The following ATXN7L1 variants were observed in gnomAD, a reference collection of about 807,000 sequenced individuals.
ATXN7L1 encodes the protein ataxin-7-like protein 1.
ATXN7L1 carries 15 observed loss-of-function variants against 70.8 expected under a neutral mutation model. The observed-to-expected ratio is 0.21, with a 90% confidence interval of 0.14 to 0.33. The LOEUF is 0.33. Among genes scored for constraint, ATXN7L1 ranks in the 10% least tolerant of loss-of-function variants. The probability of loss-of-function intolerance (pLI) is 1.00; values close to 1 mark genes in which losing one functional copy is unlikely to be tolerated. For synonymous variants in ATXN7L1, 440 were observed against 445.1 expected (o/e 0.99, Z 0.14); for missense variants, 975 against 1,097.1 (o/e 0.89, Z 1.57).
intron 2 of ATXN7L1, among the ~76,000 whole-genome samples, chr7:105,842,964 G>A (rs529564513): frequency 6.6e-6 from 1 of 152,272 alleles, no homozygotes; most frequent in Non-Finnish European, 1.5e-5. Flanking sequence ...GACTAATGAT[G>A]TTGAGCATCT....
chr7:105,645,577 A>G (rs1290607593), intron 4 of ATXN7L1, among the ~76,000 whole-genome samples: 1 of 150,206 alleles, frequency 6.7e-6, no homozygotes. Flanking sequence ...CAGGTGGATC[A>G]CCAGGTCAGG....
At chr7:105,618,997 G>A (rs1305163159) in intron 9 of ATXN7L1, among the ~76,000 whole-genome samples, 3 of 152,082 alleles carry the variant, frequency 2.0e-5, no homozygotes. Context: ...GAGTCCTAAG[G>A]AGGCGGGAAG....
chr7:105,620,142 G>A (rs1367340593), intron 9 of ATXN7L1, 58 bp downstream of exon 9: 3 of 1,538,266 alleles, frequency 2.0e-6, no homozygotes, highest in East Asian at 2.5e-5. Context: ...AGAAAGTTAA[G>A]TTTCAGGTAA....
chr7:105,710,450 C>G (rs1290114470), intron 3 of ATXN7L1, among the ~76,000 whole-genome samples: 1 of 136,844 alleles, frequency 7.3e-6, no homozygotes, highest in Non-Finnish European at 1.5e-5. Flanking sequence ...CTCTGTCACT[C>G]AGGCTGCAGT....
chr7:105,669,525 A>G (rs1309313601), intron 3 of ATXN7L1, among the ~76,000 whole-genome samples: 2 of 152,198 alleles, frequency 1.3e-5, no homozygotes, highest in Non-Finnish European at 2.9e-5. Flanking sequence ...AGGCGAAAGC[A>G]GTATGTCCTA....
chr7:105,701,099 T>C (rs1792401100), intron 3 of ATXN7L1, among the ~76,000 whole-genome samples: 1 of 152,118 alleles, frequency 6.6e-6, no homozygotes, highest in Non-Finnish European at 1.5e-5. Flanking sequence ...GTGTGTCAAG[T>C]TTGTGTGTGT....
In ATXN7L1 at chr7:105,638,483, T is replaced by C; in HGVS notation, c.1072A>G (p.Thr358Ala). Residue 358 changes from threonine to alanine, a missense_variant, in exon 7 of 12, where the codon ACG (threonine) becomes GCG (alanine). By Grantham distance (58) the Thr-to-Ala change is moderately conservative. Coordinates refer to ENST00000419735, the MANE Select transcript of ATXN7L1 (RefSeq NM_020725.2). ...VKDKEHLLTS[T>A]REILPSQSGP... ...GATTGGCTTGGAAGTATTTCCCTCG[T>C]GGAAGTCAGGAGATGCTCTTTATCT... The C allele has an allele frequency of 6.4e-7, 1 of 1,552,364 alleles. No individual in the cohort carries two copies. Among genetic ancestry groups the C allele is most frequent in the Non-Finnish European group, 8.7e-7 (1 of 1,147,144 alleles).
chr7:105,867,655 A>G (rs1423981950), intron 2 of ATXN7L1, among the ~76,000 whole-genome samples: 1 of 152,232 alleles, frequency 6.6e-6, no homozygotes, highest in Non-Finnish European at 1.5e-5. Flanking sequence ...GTACAGGTAT[A>G]TCTGCTGAGT....
At chr7:105,678,075 A>T in intron 3 of ATXN7L1, 1 of 813,364 alleles carries the variant, frequency 1.2e-6, no homozygotes, top group Non-Finnish European at 1.5e-6. Flanking sequence ...CTGTCAACAT[A>T]TGCGTACAGA....
At chr7:105,855,249 A>G (rs527563657) in intron 2 of ATXN7L1, among the ~76,000 whole-genome samples, 1 of 152,338 alleles carries the variant, frequency 6.6e-6, no homozygotes, top group African/African-American at 2.4e-5. Flanking sequence ...CACTGTGGGT[A>G]GTAAAAATTT....
chr7:105,747,507 A>G (rs1405152899), intron 3 of ATXN7L1, among the ~76,000 whole-genome samples: 1 of 152,178 alleles, frequency 6.6e-6, no homozygotes, highest in Non-Finnish European at 1.5e-5. Context: ...CGTATCCTTT[A>G]AGATATCCTT....
chr7:105,696,945 G>A (rs995039353), intron 3 of ATXN7L1, among the ~76,000 whole-genome samples: 7 of 152,136 alleles, frequency 4.6e-5, no homozygotes, highest in East Asian at 1.9e-4. Context: ...GGTAGGATCC[G>A]TGATGCCCCA....
At chr7:105,615,832 C>A (rs997845255) in intron 9 of ATXN7L1, among the ~76,000 whole-genome samples, 1 of 152,026 alleles carries the variant, frequency 6.6e-6, no homozygotes, top group East Asian at 1.9e-4. Flanking sequence ...GAGCAAACTC[C>A]CTGGAGCCAA....
intron 2 of ATXN7L1, among the ~76,000 whole-genome samples, chr7:105,790,966 T>A (rs2010419): frequency 6.6e-6 from 1 of 151,990 alleles, no homozygotes; most frequent in Admixed American, 6.5e-5. Context: ...ATGGTTCCCC[T>A]GACCACGATC....
chr7:105,853,179 T>C (rs1301124777), intron 2 of ATXN7L1, among the ~76,000 whole-genome samples: 1 of 152,248 alleles, frequency 6.6e-6, no homozygotes, highest in Non-Finnish European at 1.5e-5. Context: ...TGAATGTCCT[T>C]AGTAACGCTG....
chr7:105,686,021 G>C (rs1173927692), intron 3 of ATXN7L1, among the ~76,000 whole-genome samples: 1 of 152,098 alleles, frequency 6.6e-6, no homozygotes, highest in African/African-American at 2.4e-5. Context: ...CCTCTGAGAA[G>C]AGAGCAGCAT....
chr7:105,829,879 A>C (rs4730108), intron 2 of ATXN7L1, among the ~76,000 whole-genome samples: 22,253 of 152,294 alleles, frequency 0.15, 1,751 homozygotes, highest in Middle Eastern at 0.23. Flanking sequence ...AGAAAACAGT[A>C]GTTGTTGCAA....
At chr7:105,617,357 A>G (rs551027837) in intron 9 of ATXN7L1, among the ~76,000 whole-genome samples, 1 of 152,318 alleles carries the variant, frequency 6.6e-6, no homozygotes, top group Non-Finnish European at 1.5e-5. Context: ...CTCAATTTAT[A>G]ATTTTCCAAT....
At position 105,777,412 on chromosome 7, in the gene ATXN7L1, C is replaced by T. The variant is rs77907774; in HGVS notation, c.355+11192G>A. 9.8e-5 allele frequency among the ~76,000 whole-genome samples: 15 copies of T among 152,336 alleles called. No individual in the cohort carries two copies. The East Asian group carries it at 2.5e-3, about 25-fold the overall frequency. On this transcript the variant is annotated intron_variant, in intron 3 of 11. Transcript: ENST00000419735. The stretch of plus-strand genomic sequence containing the variant: ...CCTCAGGTTGCTAACTTAGCGACCT[C>T]TTCTCTTTAGTGTCTTACTCAACCT...
Sources: allele counts gnomAD v4.1 joint callset (sites outside exome capture counted in the v4.1 genomes callset), GRCh38; gene constraint gnomAD v4.1.1; transcripts MANE v1.5; gene names NCBI Gene and HGNC (gene_info 2026-07-23, HGNC 2026-07-21).